SMIM10L1: variants seen among roughly 807,000 people sequenced by gnomAD.
The protein encoded by SMIM10L1 is small integral membrane protein 10-like protein 1.
Under a neutral mutation model 4.5 loss-of-function variants are expected in SMIM10L1, and 6 were observed. That is an observed-to-expected ratio of 1.33 (90% CI 0.73 to 2.62). The LOEUF (loss-of-function observed/expected upper bound fraction) is 2.62, where lower values mean the gene tolerates loss of function less well. SMIM10L1 is among the 30% of genes most tolerant of loss of function. SMIM10L1 has a pLI of 0.00. For missense variants in SMIM10L1, 66 were observed against 86.2 expected (o/e 0.77, Z 0.93); for synonymous variants, 49 against 42.2 (o/e 1.16, Z -0.63).
Position 11,171,835 on chromosome 12 carries a change from C to A in SMIM10L1, c.*272C>A. 2 of 305,758 alleles carry A rather than the reference C, an allele frequency of 6.5e-6. No individual in the cohort carries two copies. The highest frequency in any genetic ancestry group is 1.2e-5 in the Non-Finnish European group (2 of 167,298). 18.9% of individuals were successfully genotyped at this position (305,758 alleles called of 1,614,324 possible). ...AAAGTGTGCATCCTAAAACACCTGA[C>A]GAATTTCAGAATGTGACAAAGCGCA... On this transcript the variant is annotated 3_prime_UTR_variant, in exon 1 of 1. Transcript: ENST00000622602.
At position 11,171,276 on chromosome 12, in the gene SMIM10L1, G is replaced by T; in HGVS notation, c.-81G>T. On this transcript the variant is annotated 5_prime_UTR_variant, in exon 1 of 1. Transcript: ENST00000622602. Reference sequence around the variant, plus strand: ...GAGCCGCTTTGCTTACCGTCCTGCCGGTCCCAGCCGTCGCTAGGAGGTCCG... The same window carrying T: ...GAGCCGCTTTGCTTACCGTCCTGCCTGTCCCAGCCGTCGCTAGGAGGTCCG... The T allele has an allele frequency of 1.1e-6, 1 of 937,728 alleles. No homozygotes were observed. Among genetic ancestry groups the T allele is most frequent in the Non-Finnish European group, 1.4e-6 (1 of 719,112 alleles). The allele number at this position is 937,728 out of a possible 1,614,324, so 58.1% of individuals were successfully genotyped here. A position where few individuals can be genotyped will look rare whatever the true frequency, so the allele number is the denominator to read the frequency against.
In SMIM10L1 at chr12:11,172,776, A is replaced by G. The variant is rs956378217; in HGVS notation, c.*1213A>G. The G allele has an allele frequency of 6.6e-6, 1 of 152,238 alleles. No individual in the cohort carries two copies. Among genetic ancestry groups the G allele is most frequent in the Non-Finnish European group, 1.5e-5 (1 of 68,042 alleles). The allele number at this position is 152,238 out of a possible 1,614,324, so 9.4% of individuals were successfully genotyped here. A position where few individuals can be genotyped will look rare whatever the true frequency, so the allele number is the denominator to read the frequency against. On this transcript the variant is annotated 3_prime_UTR_variant, in exon 1 of 1. Coordinates refer to ENST00000622602, the MANE Select transcript of SMIM10L1 (RefSeq NM_001271592.2). ...TGAGAAAAATAAAAATTTAAAAACT[A>G]CACTGTATACACGGTATACCTCAAC...
chr12:11,173,808 G>C lies in SMIM10L1; in HGVS notation c.*2245G>C, dbSNP rs1339416516. 1 of 151,966 alleles carries C rather than the reference G, an allele frequency of 6.6e-6. No individual in the cohort carries two copies. Among genetic ancestry groups the C allele is most frequent in the East Asian group, 1.9e-4 (1 of 5,186 alleles). The allele number at this position is 151,966 out of a possible 1,614,324, so 9.4% of individuals were successfully genotyped here. On this transcript the variant is annotated 3_prime_UTR_variant, in exon 1 of 1. Transcript: ENST00000622602. ...ATCCTCCAACATAATTGGCAGCTCT[G>C]TGAGGGAAGACACTATATCCTATTC...
rs1003947269 is a variant in SMIM10L1, at chr12:11,173,896, C to T, written c.*2333C>T. 1 of 151,160 alleles carries T rather than the reference C, an allele frequency of 6.6e-6. No individual in the cohort carries two copies. The highest frequency in any genetic ancestry group is 1.5e-5 in the Non-Finnish European group (1 of 67,850). The allele number at this position is 151,160 out of a possible 1,614,324, so 9.4% of individuals were successfully genotyped here. On this transcript the variant is annotated 3_prime_UTR_variant, in exon 1 of 1. Transcript: ENST00000622602. The stretch of plus-strand genomic sequence containing the variant: ...GTATATATACATATATATATACATA[C>T]ACATATATAAATTTAAGTAGTAACT...
In SMIM10L1 at chr12:11,174,886, A is replaced by G. The variant is rs555696640; in HGVS notation, c.*3323A>G. 1 of 152,634 alleles carries G rather than the reference A, an allele frequency of 6.6e-6. No individual in the cohort carries two copies. Among genetic ancestry groups the G allele is most frequent in the Admixed American group, 6.5e-5 (1 of 15,288 alleles). The allele number at this position is 152,634 out of a possible 1,614,324, so 9.5% of individuals were successfully genotyped here. A position where few individuals can be genotyped will look rare whatever the true frequency, so the allele number is the denominator to read the frequency against. ...TCATTTTTCAGAGAAGCAAACCGGG[A>G]TTTAGAGAGGTTAAGTAAATTCCTA... On this transcript the variant is annotated 3_prime_UTR_variant, in exon 1 of 1. Transcript: ENST00000622602.
At position 11,171,787 on chromosome 12, in the gene SMIM10L1, T is replaced by G; in HGVS notation, c.*224T>G. 7.9e-6 allele frequency: 3 copies of G among 377,886 alleles called. No homozygotes were observed. Among genetic ancestry groups the G allele is most frequent in the East Asian group, 3.8e-5 (1 of 26,220 alleles). The allele number at this position is 377,886 out of a possible 1,614,324, so 23.4% of individuals were successfully genotyped here. On this transcript the variant is annotated 3_prime_UTR_variant, in exon 1 of 1. Transcript: ENST00000622602. ...GCTGTTCCGGAAACAGAACTGCAGT[T>G]AAGACCCTCGAAAACATCTAAGAAA...
rs1047713 is a variant in SMIM10L1, at chr12:11,171,802, C to G, written c.*239C>G. ...GAACTGCAGTTAAGACCCTCGAAAA[C>G]ATCTAAGAAAGTGTGCATCCTAAAA... is the stretch of plus-strand genomic sequence containing the variant. On this transcript the variant is annotated 3_prime_UTR_variant, in exon 1 of 1. Transcript: ENST00000622602. The G allele has an allele frequency of 0.81, 293,348 of 363,604 alleles. 122,121 individuals are homozygous for G. The highest frequency in any genetic ancestry group is 0.98 in the East Asian group (24,334 of 24,894). The allele number at this position is 363,604 out of a possible 1,614,324, so 22.5% of individuals were successfully genotyped here.
Position 11,171,565 on chromosome 12 carries a change from G to A in SMIM10L1, c.*2G>A, listed in dbSNP as rs1239652076. ...ATCCGATTGCAGGTACATATTTAGA[G>A]CCATGACTAAGCTAACGGCCTCCGG... On this transcript the variant is annotated 3_prime_UTR_variant, in exon 1 of 1. Transcript: ENST00000622602. The A allele has an allele frequency of 3.2e-6, 4 of 1,231,952 alleles. No homozygotes were observed. Among genetic ancestry groups the A allele is most frequent in the Non-Finnish European group, 4.0e-6 (4 of 987,954 alleles). 76.3% of individuals were successfully genotyped at this position (1,231,952 alleles called of 1,614,324 possible).
Position 11,171,351 on chromosome 12 carries a change from T to C in SMIM10L1, c.-6T>C, listed in dbSNP as rs1199581820. On this transcript the variant is annotated 5_prime_UTR_variant, in exon 1 of 1. Transcript: ENST00000622602. ...CAGACGCTGGGCGGGCGGCGACACC[T>C]GGCTCATGGCCCCCGCGGCGGCTCC... 2.4e-6 allele frequency: 3 copies of C among 1,231,584 alleles called. No individual in the cohort carries two copies. The highest frequency in any genetic ancestry group is 3.0e-6 in the Non-Finnish European group (3 of 987,608). The allele number at this position is 1,231,584 out of a possible 1,614,324, so 76.3% of individuals were successfully genotyped here. A position where few individuals can be genotyped will look rare whatever the true frequency, so the allele number is the denominator to read the frequency against.
In SMIM10L1 at chr12:11,172,214, C is replaced by T. The variant is rs1947871163; in HGVS notation, c.*651C>T. On this transcript the variant is annotated 3_prime_UTR_variant, in exon 1 of 1. Coordinates refer to ENST00000622602, the MANE Select transcript of SMIM10L1 (RefSeq NM_001271592.2). ...GACTTGGAACCGCAGAAAACGAAAT[C>T]CCATAGTAGCACAAAGCTTGGCTGT... 6.6e-6 allele frequency: 1 copy of T among 152,186 alleles called. No individual in the cohort carries two copies. The highest frequency in any genetic ancestry group is 2.1e-4 in the South Asian group (1 of 4,836). 9.4% of individuals were successfully genotyped at this position (152,186 alleles called of 1,614,324 possible).
chr12:11,171,246 C>T lies in SMIM10L1; in HGVS notation c.-111C>T. 1 of 682,264 alleles carries T rather than the reference C, an allele frequency of 1.5e-6. No individual in the cohort carries two copies. The highest frequency in any genetic ancestry group is 7.8e-5 in the South Asian group (1 of 12,824). 42.3% of individuals were successfully genotyped at this position (682,264 alleles called of 1,614,324 possible). A position where few individuals can be genotyped will look rare whatever the true frequency, so the allele number is the denominator to read the frequency against. On this transcript the variant is annotated 5_prime_UTR_variant, in exon 1 of 1. Coordinates refer to ENST00000622602, the MANE Select transcript of SMIM10L1 (RefSeq NM_001271592.2). ...CGGCAGCGGCAAGCTTGGGTGTGAG[C>T]CCGGGAGCCGCTTTGCTTACCGTCC...
At position 11,171,567 on chromosome 12, in the gene SMIM10L1, C is replaced by T. The variant is rs554877318; in HGVS notation, c.*4C>T. On this transcript the variant is annotated 3_prime_UTR_variant, in exon 1 of 1. Coordinates refer to ENST00000622602, the MANE Select transcript of SMIM10L1 (RefSeq NM_001271592.2). ...CCGATTGCAGGTACATATTTAGAGC[C>T]ATGACTAAGCTAACGGCCTCCGGGG... 3.2e-6 allele frequency: 4 copies of T among 1,232,018 alleles called. No individual in the cohort carries two copies. The highest frequency in any genetic ancestry group is 1.5e-5 in the African/African-American group (1 of 64,524). The allele number at this position is 1,232,018 out of a possible 1,614,324, so 76.3% of individuals were successfully genotyped here. A position where few individuals can be genotyped will look rare whatever the true frequency, so the allele number is the denominator to read the frequency against.
Position 11,171,753 on chromosome 12 carries a change from A to G in SMIM10L1, c.*190A>G. On this transcript the variant is annotated 3_prime_UTR_variant, in exon 1 of 1. Transcript: ENST00000622602. ...GGCCGGGAGCCTACAATCCCTAGAA[A>G]GAGAATACGCTGTTCCGGAAACAGA... 1 of 399,318 alleles carries G rather than the reference A, an allele frequency of 2.5e-6. No individual in the cohort carries two copies. The highest frequency in any genetic ancestry group is 3.6e-5 in the East Asian group (1 of 27,822). The allele number at this position is 399,318 out of a possible 1,614,324, so 24.7% of individuals were successfully genotyped here.
chr12:11,171,291 T>C lies in SMIM10L1; in HGVS notation c.-66T>C, dbSNP rs2136489928. On this transcript the variant is annotated 5_prime_UTR_variant, in exon 1 of 1. Coordinates refer to ENST00000622602, the MANE Select transcript of SMIM10L1 (RefSeq NM_001271592.2). ...CCGTCCTGCCGGTCCCAGCCGTCGCTAGGAGGTCCGCGGGCCCTGCGGCAA... is the reference window on the plus strand; with the variant it reads ...CCGTCCTGCCGGTCCCAGCCGTCGCCAGGAGGTCCGCGGGCCCTGCGGCAA... 2 of 1,073,956 alleles carry C rather than the reference T, an allele frequency of 1.9e-6. No individual in the cohort carries two copies. The highest frequency in any genetic ancestry group is 2.4e-6 in the Non-Finnish European group (2 of 843,738). The allele number at this position is 1,073,956 out of a possible 1,614,324, so 66.5% of individuals were successfully genotyped here. A position where few individuals can be genotyped will look rare whatever the true frequency, so the allele number is the denominator to read the frequency against.
chr12:11,171,645 T>G lies in SMIM10L1; in HGVS notation c.*82T>G. On this transcript the variant is annotated 3_prime_UTR_variant, in exon 1 of 1. Transcript: ENST00000622602. ...CGTTGCGGCGCGGCGGAGCAGCCAA[T>G]GGCGAGCCCCACAGTCTCGCGAGAG... 1.0e-6 allele frequency: 1 copy of G among 1,004,138 alleles called. No homozygotes were observed. Among genetic ancestry groups the G allele is most frequent in the Non-Finnish European group, 1.3e-6 (1 of 780,118 alleles). 62.2% of individuals were successfully genotyped at this position (1,004,138 alleles called of 1,614,324 possible).
At position 11,173,464 on chromosome 12, in the gene SMIM10L1, C is replaced by T. The variant is rs1664220168; in HGVS notation, c.*1901C>T. The T allele has an allele frequency of 6.6e-6, 1 of 152,172 alleles. No homozygotes were observed. The highest frequency in any genetic ancestry group is 1.5e-5 in the Non-Finnish European group (1 of 68,024). 9.4% of individuals were successfully genotyped at this position (152,172 alleles called of 1,614,324 possible). On this transcript the variant is annotated 3_prime_UTR_variant, in exon 1 of 1. Transcript: ENST00000622602. Reference sequence around the variant, plus strand: ...GTTGCCTTATTTTTCCCTAATCGTGCATCAACTGTCTGTTTTATATACCCA... The same window carrying T: ...GTTGCCTTATTTTTCCCTAATCGTGTATCAACTGTCTGTTTTATATACCCA...
rs1592143967 is a variant in SMIM10L1 at position 11,171,652 on chromosome 12, C to T, written c.*89C>T. 2 of 953,684 alleles carry T rather than the reference C, an allele frequency of 2.1e-6. No individual in the cohort carries two copies. The highest frequency in any genetic ancestry group is 2.7e-6 in the Non-Finnish European group (2 of 734,052). 59.1% of individuals were successfully genotyped at this position (953,684 alleles called of 1,614,324 possible). On this transcript the variant is annotated 3_prime_UTR_variant, in exon 1 of 1. Transcript: ENST00000622602. ...GCGCGGCGGAGCAGCCAATGGCGAGCCCCACAGTCTCGCGAGAGTGCTCAG... is the reference window on the plus strand; with the variant it reads ...GCGCGGCGGAGCAGCCAATGGCGAGTCCCACAGTCTCGCGAGAGTGCTCAG...
rs1947829928 is a variant in SMIM10L1 at position 11,171,206 on chromosome 12, C to T, written c.-151C>T. The T allele has an allele frequency of 2.3e-6, 1 of 430,142 alleles. No homozygotes were observed. Among genetic ancestry groups the T allele is most frequent in the Non-Finnish European group, 3.9e-6 (1 of 256,074 alleles). 26.6% of individuals were successfully genotyped at this position (430,142 alleles called of 1,614,324 possible). On this transcript the variant is annotated 5_prime_UTR_variant, in exon 1 of 1. Transcript: ENST00000622602. ...CAGCGGCGCCCGGGGCTACGCGCCG[C>T]ACTGCACCGAGCGGCGGCAGCGGCA...
chr12:11,171,623 T>G lies in SMIM10L1; in HGVS notation c.*60T>G. 1 of 1,172,406 alleles carries G rather than the reference T, an allele frequency of 8.5e-7. No individual in the cohort carries two copies. Among genetic ancestry groups the G allele is most frequent in the Non-Finnish European group, 1.1e-6 (1 of 933,814 alleles). The allele number at this position is 1,172,406 out of a possible 1,614,324, so 72.6% of individuals were successfully genotyped here. A position where few individuals can be genotyped will look rare whatever the true frequency, so the allele number is the denominator to read the frequency against. ...ATGATGGCCGACTCCCAGGGTCCGT[T>G]GCGGCGCGGCGGAGCAGCCAATGGC... On this transcript the variant is annotated 3_prime_UTR_variant, in exon 1 of 1. Transcript: ENST00000622602.
Sources: gnomAD v4.1 joint callset for allele counts on GRCh38, gnomAD v4.1.1 for gene constraint, MANE v1.5 for transcripts, NCBI Gene and HGNC (gene_info 2026-07-23, HGNC 2026-07-21) for gene names.